The following TMCO4 variants were observed in gnomAD, a reference collection of about 807,000 sequenced individuals.
The protein encoded by TMCO4 is transmembrane and coiled-coil domain-containing protein 4.
TMCO4 carries 58 observed loss-of-function variants against 64.7 expected under a neutral mutation model. The ratio of observed to expected loss-of-function variants is 0.90; its 90% CI spans 0.73 to 1.12. The LOEUF is 1.12. Ranked by LOEUF, TMCO4 falls within the 50% of genes most tolerant of loss-of-function variation. The pLI is 0.00. For missense variants in TMCO4, 780 were observed against 825.9 expected, an observed-to-expected ratio of 0.94 and a Z score of 0.68; for synonymous variants, 325 against 346.1, an observed-to-expected ratio of 0.94 and a Z score of 0.68.
In TMCO4 at chr1:19,775,369, G is replaced by A. The variant is rs185973185; in HGVS notation, c.180-3887C>T. Among the ~76,000 whole-genome samples, 636 of 152,266 alleles carry A rather than the reference G, an allele frequency of 4.2e-3. 7 individuals carry two copies. The South Asian group carries it at 0.045, about 11-fold the overall frequency. On this transcript the variant is annotated intron_variant, in intron 4 of 15. Transcript: ENST00000294543. The stretch of plus-strand genomic sequence containing the variant: ...TGGGACTACAGGCATGAGGCACCGC[G>A]CCTGGCCAGGACTGCTGGTTAAATG...
intron 10 of TMCO4, among the ~76,000 whole-genome samples, chr1:19,741,426 G>A (rs1225218597): frequency 6.6e-6 from 1 of 152,180 alleles, no homozygotes; most frequent in African/African-American, 2.4e-5. Context: ...AACATGGCCT[G>A]GGAGATAGCT....
At position 19,695,442 on chromosome 1, in the gene TMCO4, C is replaced by T. The variant is rs116342056; in HGVS notation, c.1383-891G>A. Among the ~76,000 whole-genome samples the T allele has an allele frequency of 9.9e-3, 1,513 of 152,366 alleles. 16 individuals carry two copies. Among genetic ancestry groups the T allele is most frequent in the East Asian group, 0.025 (129 of 5,180 alleles). On this transcript the variant is annotated intron_variant, in intron 14 of 15. Coordinates refer to ENST00000294543, the MANE Select transcript of TMCO4 (RefSeq NM_181719.7). ...GTCTGCGCACAGGCAAGCTTCTGTT[C>T]TCCCCTCTGCACCCCAGGCTCAGAT...
intron 13 of TMCO4, among the ~76,000 whole-genome samples, chr1:19,703,540 TTTTTCTTTTCTTCC>T (rs1349799047): frequency 3.6e-4 from 54 of 150,948 alleles, no homozygotes; most frequent in African/African-American, 1.1e-3. Context: ...CTTTTCTTTC[TTTTTCTTTTCTTCC>T]TCTTTTTTTT....
intron 2 of TMCO4, among the ~76,000 whole-genome samples, chr1:19,788,603 C>G (rs937556677): frequency 1.3e-5 from 2 of 152,082 alleles, no homozygotes; most frequent in Admixed American, 1.3e-4. Flanking sequence ...GGTGACAATC[C>G]GTTTTGTGCT....
intron 2 of TMCO4, among the ~76,000 whole-genome samples, chr1:19,789,075 A>G (rs1275104733): frequency 1.3e-5 from 2 of 148,714 alleles, no homozygotes; most frequent in Non-Finnish European, 3.0e-5. Context: ...ACTCTGTCTC[A>G]CAAAAAAAAA....
At chr1:19,711,135 A>G (rs528549126) in intron 13 of TMCO4, among the ~76,000 whole-genome samples, 3 of 152,352 alleles carry the variant, frequency 2.0e-5, no homozygotes, top group African/African-American at 7.2e-5. Context: ...GAGAACAAGA[A>G]GTTTCATTCT....
chr1:19,755,776 C>G lies in TMCO4; in HGVS notation c.383-10G>C, dbSNP rs1317113443. 1.2e-6 allele frequency: 2 copies of G among 1,613,864 alleles called. No individual in the cohort carries two copies. The highest frequency in any genetic ancestry group is 3.3e-5 in the Admixed American group (2 of 59,984). Reference sequence around the variant, plus strand: ...CGGGCGTCATAGTGCCCTCGAAAGACAGAAACAACACCGGAAAAGAATCAG... The same window carrying G: ...CGGGCGTCATAGTGCCCTCGAAAGAGAGAAACAACACCGGAAAAGAATCAG... On this transcript the variant is annotated splice_polypyrimidine_tract_variant and intron_variant, in intron 6 of 15. Transcript: ENST00000294543.
chr1:19,720,389 C>T (rs2095376830), intron 13 of TMCO4, among the ~76,000 whole-genome samples: 1 of 152,166 alleles, frequency 6.6e-6, no homozygotes, highest in African/African-American at 2.4e-5. Context: ...AGACTAAGTA[C>T]ATGGGGTCTG....
chr1:19,695,262 C>G (rs1172631402), intron 14 of TMCO4, among the ~76,000 whole-genome samples: 2 of 152,238 alleles, frequency 1.3e-5, no homozygotes, highest in Non-Finnish European at 2.9e-5. Flanking sequence ...CTCGGACCCT[C>G]TGCTGCCCAT....
intron 9 of TMCO4, 91 bp from the exon 10 acceptor site, chr1:19,745,742 G>T: frequency 1.4e-6 from 2 of 1,466,744 alleles, no homozygotes; most frequent in South Asian, 2.7e-5. Context: ...TGCACACAGT[G>T]AGCACCATCT....
intron 3 of TMCO4, among the ~76,000 whole-genome samples, chr1:19,786,316 C>G (rs548908619): frequency 1.3e-5 from 2 of 152,276 alleles, no homozygotes; most frequent in South Asian, 4.2e-4. Flanking sequence ...GTGTGATAAA[C>G]ACCATGACAG....
In TMCO4 at chr1:19,732,359, G is replaced by T. The variant is rs573204863; in HGVS notation, c.1264+5013C>A. Among the ~76,000 whole-genome samples, 214 of 151,948 alleles carry T rather than the reference G, an allele frequency of 1.4e-3. 1 individual carries two copies. Among genetic ancestry groups the T allele is most frequent in the African/African-American group, 5.0e-3 (209 of 41,476 alleles). Reference sequence around the variant, plus strand: ...GCTAATTTTAAAATTTTTTGTAGAGGCAAATTATGTTGCCCAGGCTGGTCT... The same window carrying T: ...GCTAATTTTAAAATTTTTTGTAGAGTCAAATTATGTTGCCCAGGCTGGTCT... On this transcript the variant is annotated intron_variant, in intron 13 of 15. Transcript: ENST00000294543. This position sits in a 1 kb window ranked among gnomAD's most constrained non-coding sequence, Gnocchi z 4.8.
At chr1:19,725,047 C>T (rs1234075509) in intron 13 of TMCO4, among the ~76,000 whole-genome samples, 2 of 152,146 alleles carry the variant, frequency 1.3e-5, no homozygotes, top group African/African-American at 4.8e-5. Context: ...GGTGTGAGTG[C>T]TCCTTCTTTC....
chr1:19,730,455 C>T (rs1341951895), intron 13 of TMCO4, among the ~76,000 whole-genome samples: 1 of 152,254 alleles, frequency 6.6e-6, no homozygotes, highest in Non-Finnish European at 1.5e-5. Context: ...TAACATTCAA[C>T]TTCAAGTTCC....
intron 2 of TMCO4, among the ~76,000 whole-genome samples, chr1:19,791,379 C>G (rs765180181): frequency 6.6e-5 from 10 of 151,872 alleles, no homozygotes; most frequent in Admixed American, 2.0e-4. Context: ...GTGGGACAGA[C>G]AGTGCAATTC....
At chr1:19,729,464 A>G (rs927969529) in intron 13 of TMCO4, among the ~76,000 whole-genome samples, 1 of 151,210 alleles carries the variant, frequency 6.6e-6, no homozygotes, top group Non-Finnish European at 1.5e-5. Flanking sequence ...TTAATTGTAC[A>G]TTTAGAAATA....
chr1:19,734,769 C>T lies in TMCO4; in HGVS notation c.1264+2603G>A, dbSNP rs886096975. Among the ~76,000 whole-genome samples, 2 of 152,236 alleles carry T rather than the reference C, an allele frequency of 1.3e-5. No homozygotes were observed. Among genetic ancestry groups the T allele is most frequent in the South Asian group, 2.1e-4 (1 of 4,812 alleles). On this transcript the variant is annotated intron_variant, in intron 13 of 15. Transcript: ENST00000294543. The surrounding 1 kb of genome is among the most constrained non-coding windows in gnomAD (Gnocchi z 4.4). The stretch of plus-strand genomic sequence containing the variant: ...GTGGTTAGGAGTGAGGGCTCCAGGG[C>T]CAGACTCCCTGGGCCTGAATCCTGG...
At position 19,718,582 on chromosome 1, in the gene TMCO4, C is replaced by T. The variant is rs144797950; in HGVS notation, c.1265-17697G>A. 2.9e-4 allele frequency among the ~76,000 whole-genome samples: 39 copies of T among 136,584 alleles called. 2 individuals are homozygous for T. The East Asian group carries it at 8.3e-3, about 29-fold the overall frequency. 89.6% of individuals were successfully genotyped at this position (136,584 alleles called of 152,430 possible). ...GTGGGAGGCATTTGAGCCCAGGAGT[C>T]TGAGACTGCAGTGAGCTATGATGGT... On this transcript the variant is annotated intron_variant, in intron 13 of 15. Coordinates refer to ENST00000294543, the MANE Select transcript of TMCO4 (RefSeq NM_181719.7).
intron 10 of TMCO4, among the ~76,000 whole-genome samples, chr1:19,741,980 C>T (rs2095481365): frequency 6.6e-6 from 1 of 151,972 alleles, no homozygotes; most frequent in African/African-American, 2.4e-5. Flanking sequence ...CTCAAGTGAT[C>T]CACCCGCCTC....
Sources: allele counts gnomAD v4.1 joint callset (sites outside exome capture counted in the v4.1 genomes callset), GRCh38; gene constraint gnomAD v4.1.1; non-coding constraint Gnocchi (gnomAD v3.1); transcripts MANE v1.5; gene names NCBI Gene and HGNC (gene_info 2026-07-23, HGNC 2026-07-21).